ZNF566: variants seen among roughly 807,000 people sequenced by gnomAD.
ZNF566 encodes the protein zinc finger protein 566.
ZNF566 carries 27 observed loss-of-function variants against 32.8 expected under a neutral mutation model. The ratio of observed to expected loss-of-function variants is 0.82; its 90% CI spans 0.61 to 1.14. The LOEUF is 1.14. ZNF566 is among the 50% of genes most tolerant of loss of function. The pLI is 0.00. For synonymous variants in ZNF566, 154 were observed against 159.5 expected, an observed-to-expected ratio of 0.97 and a Z score of 0.26; for missense variants, 402 against 490.4, an observed-to-expected ratio of 0.82 and a Z score of 1.70.
In ZNF566 at chr19:36,473,324, G is replaced by A. The variant is rs371987949; in HGVS notation, c.136+8C>T. 4.3e-6 allele frequency: 7 copies of A among 1,613,822 alleles called. No homozygotes were observed. Among genetic ancestry groups the A allele is most frequent in the Non-Finnish European group, 5.9e-6 (7 of 1,179,940 alleles). ...AGAATCTAAATTACTATGGACAGAT[G>A]TCCTTACCCATTGAAACCAGGTTGC... On this transcript the variant is annotated splice_region_variant and intron_variant, in intron 3 of 4. Transcript: ENST00000452939.
chr19:36,486,138 C>T (rs1249794826), intron 1 of ZNF566, among the ~76,000 whole-genome samples: 3 of 151,920 alleles, frequency 2.0e-5, no homozygotes, highest in African/African-American at 7.3e-5. Context: ...GTGTCAAAGT[C>T]CTAAAAGATA....
At chr19:36,474,409 T>C (rs1348966729) in intron 2 of ZNF566, among the ~76,000 whole-genome samples, 6 of 152,178 alleles carry the variant, frequency 3.9e-5, no homozygotes, top group Admixed American at 2.0e-4. Flanking sequence ...AAGGGTTGTA[T>C]AGAACAAAGC....
At chr19:36,467,790 C>CAAAAAAAAAAAAA (rs560803094) in intron 4 of ZNF566, among the ~76,000 whole-genome samples, 186 of 85,902 alleles carry the variant, frequency 2.2e-3, no homozygotes, top group Non-Finnish European at 3.1e-3. Context: ...GACTCCATCT[C>CAAAAAAAAAAAAA]AAAAAAAAAA....
At chr19:36,485,286 AAAG>A (rs1201885736) in intron 1 of ZNF566, among the ~76,000 whole-genome samples, 1 of 150,304 alleles carries the variant, frequency 6.7e-6, no homozygotes, top group Non-Finnish European at 1.5e-5. Context: ...AAAAAAAAAA[AAAG>A]AAAATAGCCA....
In ZNF566 at chr19:36,449,757, T is replaced by C; in HGVS notation, c.477A>G (p.Thr159=). The C allele has an allele frequency of 1.9e-6, 3 of 1,614,176 alleles. No individual in the cohort carries two copies. The highest frequency in any genetic ancestry group is 2.5e-6 in the Non-Finnish European group (3 of 1,180,024). Reference sequence around the variant, plus strand: ...TTTTACTGTTAATGATTTGCTGTAATGTGAAGGATGGATGGTGACTCAAAG... The same window carrying C: ...TTTTACTGTTAATGATTTGCTGTAACGTGAAGGATGGATGGTGACTCAAAG... The part of the protein sequence containing the change: ...LPTLSHHPSF[T]LQQIINSKKK... The change falls in exon 5 of 5, where the codon ACA becomes ACG. Residue 159 remains threonine, a synonymous_variant. Transcript: ENST00000452939.
chr19:36,450,488 T>C (rs186238892), intron 4 of ZNF566, among the ~76,000 whole-genome samples: 2 of 151,982 alleles, frequency 1.3e-5, no homozygotes, highest in Non-Finnish European at 2.9e-5. Flanking sequence ...ACTAAAAATA[T>C]AAAAATCTAG....
At chr19:36,485,665 G>A (rs973410521) in intron 1 of ZNF566, among the ~76,000 whole-genome samples, 1 of 151,724 alleles carries the variant, frequency 6.6e-6, no homozygotes, top group African/African-American at 2.4e-5. Flanking sequence ...GGGAGGCTGA[G>A]GCAGGAGAAT....
chr19:36,470,636 C>G (rs746693217), intron 4 of ZNF566, among the ~76,000 whole-genome samples: 1 of 152,070 alleles, frequency 6.6e-6, no homozygotes, highest in Non-Finnish European at 1.5e-5. Flanking sequence ...CAAGGACAGG[C>G]GCAGTGGCTC....
At position 36,449,811 on chromosome 19, in the gene ZNF566, T is replaced by A. The variant is rs774169374; in HGVS notation, c.423A>T (p.Gln141His). The A allele has an allele frequency of 6.2e-7, 1 of 1,614,184 alleles. No homozygotes were observed. Among genetic ancestry groups the A allele is most frequent in the East Asian group, 2.2e-5 (1 of 44,876 alleles). Residue 141 changes from glutamine (Q) to histidine (H), a missense_variant, in exon 5 of 5, where the codon CAA becomes CAT. Physicochemically the swap from Gln to His is conservative, Grantham distance 24 (BLOSUM62 0). Transcript: ENST00000452939. Reference protein sequence around the residue: ...ELGSQGGHFNQLVFTHEDLPT... With the variant: ...ELGSQGGHFNHLVFTHEDLPT... ...GCAGATCTTCATGAGTGAATACCAA[T>A]TGATTGAAATGTCCCCCCTGAGAGC...
At chr19:36,477,033 CAG>C (rs1318440180) in intron 1 of ZNF566, among the ~76,000 whole-genome samples, 2 of 151,414 alleles carry the variant, frequency 1.3e-5, no homozygotes, top group African/African-American at 2.4e-5. Context: ...CTTTTTGAGA[CAG>C]AGTCTCACTC....
chr19:36,449,022 A>AT lies in ZNF566; in HGVS notation c.1211_1212insA (p.Phe404LeufsTer2). Reference sequence around the variant, plus strand: ...GCTGAATAAGTTGTGGGTCATAATTAAAGTTCTTTCCACATTCCCTATATT... The same window carrying AT: ...GCTGAATAAGTTGTGGGTCATAATTATAAGTTCTTTCCACATTCCCTATATT... On this transcript the variant is annotated frameshift_variant, in exon 5 of 5. Transcript: ENST00000452939. LOFTEE classifies it high-confidence loss of function. 6.2e-7 allele frequency: 1 copy of AT among 1,605,464 alleles called. No homozygotes were observed. The highest frequency in any genetic ancestry group is 8.5e-7 in the Non-Finnish European group (1 of 1,177,316).
chr19:36,483,183 T>C lies in ZNF566; in HGVS notation c.-60+6303A>G, dbSNP rs1046654784. Among the ~76,000 whole-genome samples the C allele has an allele frequency of 2.0e-5, 3 of 152,222 alleles. No individual in the cohort carries two copies. The East Asian group carries it at 5.8e-4, about 29-fold the overall frequency. On this transcript the variant is annotated intron_variant, in intron 1 of 4. Coordinates refer to ENST00000452939, the MANE Select transcript of ZNF566 (RefSeq NM_001145344.1). ...GGTAAAATCTCAGATAGTTCATAGTTCTTGGGAAAAGAAAATACCCTGTGG... is the reference window on the plus strand; with the variant it reads ...GGTAAAATCTCAGATAGTTCATAGTCCTTGGGAAAAGAAAATACCCTGTGG...
intron 4 of ZNF566, among the ~76,000 whole-genome samples, chr19:36,466,483 T>C (rs1256763862): frequency 6.6e-6 from 1 of 152,182 alleles, no homozygotes; most frequent in African/African-American, 2.4e-5. Flanking sequence ...GTTGAGTCTG[T>C]GGATGCAGAA....
chr19:36,486,881 A>T (rs1247616925), intron 1 of ZNF566, among the ~76,000 whole-genome samples: 2 of 151,506 alleles, frequency 1.3e-5, no homozygotes, highest in Admixed American at 6.6e-5. Flanking sequence ...GGATTTTGGG[A>T]GGCTGAGGCG....
chr19:36,453,143 A>G (rs758687479), intron 4 of ZNF566, among the ~76,000 whole-genome samples: 9 of 151,238 alleles, frequency 6.0e-5, no homozygotes, highest in Non-Finnish European at 1.2e-4. Flanking sequence ...AAACAAAAAA[A>G]CAAACAAAAA....
At chr19:36,485,211 G>A (rs890921197) in intron 1 of ZNF566, among the ~76,000 whole-genome samples, 27 of 147,864 alleles carry the variant, frequency 1.8e-4, no homozygotes, top group Non-Finnish European at 3.4e-4. Flanking sequence ...AAAACAGGAG[G>A]ATGGCTTGAA....
At position 36,470,106 on chromosome 19, in the gene ZNF566, G is replaced by T. The variant is rs186217493; in HGVS notation, c.232+2805C>A. Among the ~76,000 whole-genome samples the T allele has an allele frequency of 6.6e-5, 10 of 152,110 alleles. No individual in the cohort carries two copies. The East Asian group carries it at 1.7e-3, about 26-fold the overall frequency. On this transcript the variant is annotated intron_variant, in intron 4 of 4. Coordinates refer to ENST00000452939, the MANE Select transcript of ZNF566 (RefSeq NM_001145344.1). ...CCTGCTGTAAACCTCTAGGTATCAG[G>T]GTGCTTCAGGTTTCTGTCCTTGCTA...
chr19:36,486,914 ACT>A (rs1246767083), intron 1 of ZNF566, among the ~76,000 whole-genome samples: 1 of 150,226 alleles, frequency 6.7e-6, no homozygotes, highest in African/African-American at 2.4e-5. Context: ...ACATGGTGAA[ACT>A]CTGTCTCCAC....
chr19:36,448,359 A>T lies in ZNF566; in HGVS notation c.*618T>A, dbSNP rs894802638. The T allele has an allele frequency of 6.6e-6, 1 of 152,184 alleles. No individual in the cohort carries two copies. The highest frequency in any genetic ancestry group is 1.5e-5 in the Non-Finnish European group (1 of 68,010). 9.4% of individuals were successfully genotyped at this position (152,184 alleles called of 1,614,324 possible). On this transcript the variant is annotated 3_prime_UTR_variant, in exon 5 of 5. Coordinates refer to ENST00000452939, the MANE Select transcript of ZNF566 (RefSeq NM_001145344.1). ...CCAATAGGATTTCATAAGTGATATT[A>T]CAGTAACACAACAAAACACCATGAA... is the stretch of plus-strand genomic sequence containing the variant.
Sources: allele counts gnomAD v4.1 joint callset (sites outside exome capture counted in the v4.1 genomes callset), GRCh38; gene constraint gnomAD v4.1.1; transcripts MANE v1.5; gene names NCBI Gene and HGNC (gene_info 2026-07-23, HGNC 2026-07-21).